STK32C: variants seen among roughly 807,000 people sequenced by gnomAD.
STK32C encodes the protein serine/threonine-protein kinase 32C.
Under a neutral mutation model 56.5 loss-of-function variants are expected in STK32C, and 31 were observed. The ratio of observed to expected loss-of-function variants is 0.55; its 90% CI spans 0.41 to 0.74. STK32C has a LOEUF of 0.74. Ranked by LOEUF, STK32C falls within the 30% of genes least tolerant of loss-of-function variation. STK32C has a pLI of 0.00. For synonymous variants in STK32C, 309 were observed against 289.4 expected, an observed-to-expected ratio of 1.07 and a Z score of -0.69; for missense variants, 544 against 676.9, an observed-to-expected ratio of 0.80 and a Z score of 2.18.
At chr10:132,297,977 C>A (rs11146318) in intron 1 of STK32C, among the ~76,000 whole-genome samples, 1 of 152,090 alleles carries the variant, frequency 6.6e-6, no homozygotes, top group Non-Finnish European at 1.5e-5. Flanking sequence ...TGGTGCTCTG[C>A]GGCAGCAACC....
chr10:132,259,265 G>C (rs1247121920), intron 1 of STK32C, among the ~76,000 whole-genome samples: 1 of 152,226 alleles, frequency 6.6e-6, no homozygotes, highest in Non-Finnish European at 1.5e-5. Flanking sequence ...GACATGGTTT[G>C]GCTCTGTGTT....
At chr10:132,248,904 G>A (rs1038395430) in intron 1 of STK32C, 7 of 454,490 alleles carry the variant, frequency 1.5e-5, no homozygotes, top group Non-Finnish European at 2.2e-5. Context: ...CCACTTTAGA[G>A]AATAAGCACA....
chr10:132,213,561 A>G (rs368159079), intron 10 of STK32C, among the ~76,000 whole-genome samples: 8 of 152,360 alleles, frequency 5.3e-5, no homozygotes, highest in African/African-American at 1.9e-4. Context: ...AGGCCCATCT[A>G]CTTCAGCTCT....
intron 1 of STK32C, among the ~76,000 whole-genome samples, chr10:132,279,141 A>G (rs539869980): frequency 6.6e-6 from 1 of 152,324 alleles, no homozygotes; most frequent in East Asian, 1.9e-4. Flanking sequence ...TAACACAGTA[A>G]TGATTGCAAC....
intron 1 of STK32C, chr10:132,330,571 AATCAT>A: frequency 1.4e-6 from 1 of 711,730 alleles, no homozygotes; most frequent in East Asian, 2.7e-5. Context: ...TAAGTGGCAC[AATCAT>A]AACTCACTGC....
chr10:132,275,377 G>C (rs1317221050), intron 1 of STK32C, among the ~76,000 whole-genome samples: 1 of 152,206 alleles, frequency 6.6e-6, no homozygotes, highest in Non-Finnish European at 1.5e-5. Flanking sequence ...CAGGGGTCTG[G>C]GATGAATCTG....
rs560001814 is a variant in STK32C at position 132,224,841 on chromosome 10, A to G, written c.877-318T>C. The stretch of plus-strand genomic sequence containing the variant: ...GGGGTCCTGTGCAGGGCTGAGGGGT[A>G]CGGTCCACAAGAGGACCCCCAGCCT... On this transcript the variant is annotated intron_variant, in intron 7 of 11. Transcript: ENST00000298630. Among the ~76,000 whole-genome samples the G allele has an allele frequency of 1.3e-3, 194 of 152,202 alleles. 5 individuals are homozygous for G. The South Asian group carries it at 0.033, about 26-fold the overall frequency.
intron 1 of STK32C, among the ~76,000 whole-genome samples, chr10:132,249,827 G>A (rs548165223): frequency 1.2e-4 from 19 of 152,188 alleles, no homozygotes; most frequent in Admixed American, 2.0e-4. Context: ...GAGGGTCTCC[G>A]CACTGCCCCA....
upstream of STK32C, chr10:132,331,946 C>A: frequency 1.8e-6 from 1 of 570,700 alleles, no homozygotes; most frequent in East Asian, 3.5e-5. Flanking sequence ...ACCCCCCGCC[C>A]CAGCGCAGGC....
At chr10:132,331,424 C>T in intron 1 of STK32C, 6 of 1,604,694 alleles carry the variant, frequency 3.7e-6, no homozygotes, top group Non-Finnish European at 5.1e-6. Flanking sequence ...AACCCTTCCT[C>T]AGGACACTCA....
Position 132,307,393 on chromosome 10 carries a change from G to A in STK32C, c.262+179C>T, listed in dbSNP as rs963086673. 6.6e-6 allele frequency among the ~76,000 whole-genome samples: 1 copy of A among 152,022 alleles called. No individual in the cohort carries two copies. The highest frequency in any genetic ancestry group is 2.4e-5 in the African/African-American group (1 of 41,432). On this transcript the variant is annotated intron_variant, in intron 1 of 11. Coordinates refer to ENST00000298630, the MANE Select transcript of STK32C (RefSeq NM_173575.4). The surrounding 1 kb of genome is among the most constrained non-coding windows in gnomAD (Gnocchi z 4.4). ...GCCGCCACTAGAAACGGAGGACGCGGGCGGGCGCCCAGAACTCGCGTGGGG... is the reference window on the plus strand; with the variant it reads ...GCCGCCACTAGAAACGGAGGACGCGAGCGGGCGCCCAGAACTCGCGTGGGG...
chr10:132,305,168 C>T (rs1406510915), intron 1 of STK32C, among the ~76,000 whole-genome samples: 2 of 152,170 alleles, frequency 1.3e-5, no homozygotes, highest in Non-Finnish European at 1.5e-5. Context: ...AGAATGGGAG[C>T]ATGTGAGGGG....
At chr10:132,252,962 C>T (rs916727608) in intron 1 of STK32C, among the ~76,000 whole-genome samples, 1 of 152,138 alleles carries the variant, frequency 6.6e-6, no homozygotes, top group Non-Finnish European at 1.5e-5. Context: ...CGGTGTCCGG[C>T]AGCCTCTCCA....
At position 132,245,749 on chromosome 10, in the gene STK32C, C is replaced by T. The variant is rs375431847; in HGVS notation, c.318+151G>A. The T allele has an allele frequency of 5.2e-4, 388 of 744,546 alleles. 4 individuals carry two copies. In the African/African-American group the frequency reaches 5.8e-3, roughly 11 times the overall value. The allele number at this position is 744,546 out of a possible 1,614,324, so 46.1% of individuals were successfully genotyped here. A position where few individuals can be genotyped will look rare whatever the true frequency, so the allele number is the denominator to read the frequency against. On this transcript the variant is annotated intron_variant, in intron 2 of 11. Coordinates refer to ENST00000298630, the MANE Select transcript of STK32C (RefSeq NM_173575.4). ...GCTGCCTCCGTGGCAGGAGTGCCCACGTCCTCCCTAAAAGACCTGGAGCCT... is the reference window on the plus strand; with the variant it reads ...GCTGCCTCCGTGGCAGGAGTGCCCATGTCCTCCCTAAAAGACCTGGAGCCT...
chr10:132,246,789 C>A (rs1334545836), intron 1 of STK32C, among the ~76,000 whole-genome samples: 2 of 152,140 alleles, frequency 1.3e-5, no homozygotes, highest in African/African-American at 2.4e-5. Context: ...CACAATGTCA[C>A]CCCCTGGCCT....
At chr10:132,242,109 G>GAAAAAAAA (rs3068961) in intron 2 of STK32C, among the ~76,000 whole-genome samples, 4,692 of 149,206 alleles carry the variant, frequency 0.031, 110 homozygotes, top group South Asian at 0.064. Context: ...GACCCTGACT[G>GAAAAAAAA]AAAAAATGCT....
At chr10:132,325,227 A>G (rs979577146) in intron 1 of STK32C, among the ~76,000 whole-genome samples, 11 of 152,094 alleles carry the variant, frequency 7.2e-5, no homozygotes, top group African/African-American at 2.4e-4. Flanking sequence ...ATGATAGTGA[A>G]TAAGTCTCAC....
chr10:132,233,188 G>A (rs2063157405), intron 2 of STK32C, among the ~76,000 whole-genome samples: 1 of 152,152 alleles, frequency 6.6e-6, no homozygotes, highest in Non-Finnish European at 1.5e-5. Flanking sequence ...CGGGGCTGGA[G>A]AAGGTGTCTG....
intron 2 of STK32C, among the ~76,000 whole-genome samples, chr10:132,244,039 G>A (rs1307149582): frequency 6.6e-6 from 1 of 152,192 alleles, no homozygotes; most frequent in Non-Finnish European, 1.5e-5. Context: ...ACCACACGCA[G>A]AACCACCCTT....
Sources: gnomAD v4.1 joint callset for allele counts (sites outside exome capture counted in the v4.1 genomes callset) on GRCh38, gnomAD v4.1.1 for gene constraint, Gnocchi (gnomAD v3.1) non-coding constraint, MANE v1.5 for transcripts, NCBI Gene and HGNC (gene_info 2026-07-23, HGNC 2026-07-21) for gene names.